The following LYPLAL1 variants were observed in gnomAD, a reference collection of about 807,000 sequenced individuals.
LYPLAL1 encodes the protein lysophospholipase-like protein 1.
In LYPLAL1, 23 loss-of-function variants were observed where a neutral mutation model predicts 19.7. The observed-to-expected ratio is 1.17, with a 90% CI of 0.84 to 1.65. LYPLAL1 has a LOEUF of 1.65. Ranked by LOEUF, LYPLAL1 falls within the 40% of genes most tolerant of loss-of-function variation. The pLI is 0.00. For synonymous variants in LYPLAL1, 119 were observed against 96.3 expected (o/e 1.24, Z -1.38); for missense variants, 355 against 279.4 (o/e 1.27, Z -1.93).
intron 2 of LYPLAL1, among the ~76,000 whole-genome samples, chr1:219,184,514 ACTTC>A (rs1346666850): frequency 1.3e-5 from 2 of 151,838 alleles, no homozygotes; most frequent in Admixed American, 6.6e-5. Flanking sequence ...AGAAGTGAGT[ACTTC>A]CTTCCTGTGT....
At chr1:219,195,961 A>G (rs1657563836) in intron 3 of LYPLAL1, among the ~76,000 whole-genome samples, 3 of 152,102 alleles carry the variant, frequency 2.0e-5, no homozygotes, top group Admixed American at 2.0e-4. Flanking sequence ...TAGTTTGCTG[A>G]GGATAATGGC....
chr1:219,339,454 A>C, the LYPLAL1 span, among the ~76,000 whole-genome samples: 2 of 152,084 alleles, frequency 1.3e-5, no homozygotes, highest in Admixed American at 6.6e-5. Context: ...ATTATTATTA[A>C]GAATTAAATC....
Position 219,211,556 on chromosome 1 carries a change from T to G in LYPLAL1, c.542T>G (p.Leu181Ter). 1.2e-6 allele frequency: 2 copies of G among 1,613,416 alleles called. No homozygotes were observed. The highest frequency in any genetic ancestry group is 1.1e-5 in the South Asian group (1 of 91,058). The change falls in exon 5 of 5, where the codon TTA becomes TGA. Residue 181 changes from leucine to a stop codon, truncating the protein, a stop_gained. Coordinates refer to ENST00000366928, the MANE Select transcript of LYPLAL1 (RefSeq NM_138794.5). LOFTEE classifies it low-confidence loss of function (END_TRUNC). The part of the protein sequence containing the change: ...LFQCHGTADE[L>*]VLHSWAEETN... ...CAGTGTCATGGTACTGCAGATGAGT[T>G]AGTTCTTCATTCTTGGGCAGAAGAG...
chr1:219,337,901 G>C, the LYPLAL1 span, among the ~76,000 whole-genome samples: 4 of 151,972 alleles, frequency 2.6e-5, no homozygotes, highest in African/African-American at 7.2e-5. Flanking sequence ...ACAAATTTCA[G>C]AATTAAAAAG....
At chr1:219,385,694 G>C in the LYPLAL1 span, among the ~76,000 whole-genome samples, 1 of 152,020 alleles carries the variant, frequency 6.6e-6, no homozygotes, top group Non-Finnish European at 1.5e-5. Flanking sequence ...AAGGGGGAAA[G>C]GATGAAATTA....
intron 1 of LYPLAL1, 144 bp from the exon 2 acceptor site, chr1:219,179,003 C>A: frequency 2.0e-6 from 1 of 501,612 alleles, no homozygotes; most frequent in Non-Finnish European, 3.5e-6. Flanking sequence ...ATTAGTAAGT[C>A]AGTTTCTATA....
the LYPLAL1 span, among the ~76,000 whole-genome samples, chr1:219,248,741 T>C: frequency 6.6e-6 from 1 of 152,092 alleles, no homozygotes; most frequent in Admixed American, 6.6e-5. Context: ...AATAAATAGC[T>C]TACTCAACAT....
chr1:219,371,267 A>G, the LYPLAL1 span, among the ~76,000 whole-genome samples: 1 of 152,142 alleles, frequency 6.6e-6, no homozygotes, highest in Non-Finnish European at 1.5e-5. Flanking sequence ...TTGCTCCTAC[A>G]TCATGTTCTG....
At chr1:219,378,595 G>A in the LYPLAL1 span, among the ~76,000 whole-genome samples, 1 of 152,098 alleles carries the variant, frequency 6.6e-6, no homozygotes, top group Non-Finnish European at 1.5e-5. Flanking sequence ...AAAGAAAATG[G>A]GGGTCAGGGG....
chr1:219,433,492 C>T, the LYPLAL1 span, among the ~76,000 whole-genome samples: 1 of 152,202 alleles, frequency 6.6e-6, no homozygotes, highest in Non-Finnish European at 1.5e-5. Flanking sequence ...ATCCTTCTTC[C>T]AGAAAATCAT....
chr1:219,406,070 A>C, the LYPLAL1 span, among the ~76,000 whole-genome samples: 27 of 152,202 alleles, frequency 1.8e-4, no homozygotes, highest in Admixed American at 6.5e-5. Flanking sequence ...TCAAGTGCCA[A>C]CTGCAACCCA....
At chr1:219,399,461 G>A in the LYPLAL1 span, among the ~76,000 whole-genome samples, 1 of 152,174 alleles carries the variant, frequency 6.6e-6, no homozygotes, top group African/African-American at 2.4e-5. Context: ...CCACAGAAGT[G>A]GCAGGTCAGG....
the LYPLAL1 span, among the ~76,000 whole-genome samples, chr1:219,440,061 G>A: frequency 0.73 from 105,932 of 144,774 alleles, 39,321 homozygotes; most frequent in African/African-American, 0.84. Context: ...ATTTTCTCTA[G>A]TGATACTAAG....
chr1:219,273,982 G>T, the LYPLAL1 span, among the ~76,000 whole-genome samples: 3 of 152,088 alleles, frequency 2.0e-5, no homozygotes, highest in East Asian at 5.8e-4. Flanking sequence ...GGCTTGTCTC[G>T]AACTCCTGAC....
chr1:219,327,054 G>T, the LYPLAL1 span, among the ~76,000 whole-genome samples: 1 of 152,088 alleles, frequency 6.6e-6, no homozygotes, highest in Non-Finnish European at 1.5e-5. Context: ...AGCCAAGATA[G>T]CACCACTGCA....
chr1:219,391,262 G>T, the LYPLAL1 span, among the ~76,000 whole-genome samples: 1 of 152,150 alleles, frequency 6.6e-6, no homozygotes, highest in South Asian at 2.1e-4. Flanking sequence ...TTTCCTGTTT[G>T]TCTCATTTTG....
downstream of LYPLAL1, among the ~76,000 whole-genome samples, chr1:219,213,731 A>T (rs1485281375): frequency 1.3e-5 from 2 of 152,030 alleles, no homozygotes; most frequent in Non-Finnish European, 2.9e-5. Context: ...ATATTGAATC[A>T]CAATTTTTAT....
At chr1:219,279,322 AAAG>A in the LYPLAL1 span, among the ~76,000 whole-genome samples, 1 of 152,182 alleles carries the variant, frequency 6.6e-6, no homozygotes, top group Admixed American at 6.5e-5. Flanking sequence ...ATTTCTGAAA[AAAG>A]AAAGAAATGG....
At chr1:219,443,407 A>G in the LYPLAL1 span, among the ~76,000 whole-genome samples, 1 of 152,190 alleles carries the variant, frequency 6.6e-6, no homozygotes, top group Non-Finnish European at 1.5e-5. Context: ...GTGCTTTAAT[A>G]TATCCTGTCA....
Sources: allele counts gnomAD v4.1 joint callset (sites outside exome capture counted in the v4.1 genomes callset), GRCh38; gene constraint gnomAD v4.1.1; transcripts MANE v1.5; gene names NCBI Gene and HGNC (gene_info 2026-07-23, HGNC 2026-07-21).